Variants in ACSS3 observed in about 807,000 individuals in gnomAD.
ACSS3 encodes acyl-CoA synthetase short chain family member 3.
Under a neutral mutation model 84.2 loss-of-function variants are expected in ACSS3, and 64 were observed. The observed-to-expected ratio is 0.76, with a 90% confidence interval of 0.62 to 0.94. The LOEUF is 0.94. Ranked by LOEUF, ACSS3 falls within the 40% of genes least tolerant of loss-of-function variation. The pLI, the probability that ACSS3 is intolerant of heterozygous loss-of-function variation, is 0.00. For synonymous variants in ACSS3, 317 were observed against 310.1 expected (o/e 1.02, Z -0.23); for missense variants, 815 against 867.6 (o/e 0.94, Z 0.76).
intron 1 of ACSS3, among the ~76,000 whole-genome samples, chr12:81,107,509 T>TATACACACAC (rs1362047939): frequency 1.0e-4 from 3 of 29,956 alleles, no homozygotes; most frequent in African/African-American, 2.8e-4. Context: ...TACAAATATA[T>TATACACACAC]ACATATATAT....
At position 81,087,553 on chromosome 12, in the gene ACSS3, C is replaced by T. The variant is rs80139995; in HGVS notation, c.311+9122C>T. On this transcript the variant is annotated intron_variant, in intron 1 of 15. Coordinates refer to ENST00000548058, the MANE Select transcript of ACSS3 (RefSeq NM_024560.4). ...GTAAGACTAAAAAAAAAATTAGTCA[C>T]TCCGTATTATTGTCCATTTGCTAAA... Among the ~76,000 whole-genome samples the T allele has an allele frequency of 5.0e-4, 76 of 152,144 alleles. No individual in the cohort carries two copies. In the East Asian group the frequency reaches 0.014, roughly 28 times the overall value.
chr12:81,183,851 C>CA (rs74867520), intron 8 of ACSS3, among the ~76,000 whole-genome samples: 10,527 of 151,948 alleles, frequency 0.069, 481 homozygotes, highest in African/African-American at 0.13. Flanking sequence ...TATGGTACTT[C>CA]AAAATCCCAC....
chr12:81,143,353 G>A (rs1886184113), intron 5 of ACSS3, 106 bp downstream of exon 5: 2 of 1,225,048 alleles, frequency 1.6e-6, no homozygotes, highest in Non-Finnish European at 2.2e-6. Context: ...TTGAAGTTTA[G>A]AGAGTTACTT....
At chr12:81,230,328 A>C (rs987277689) in intron 11 of ACSS3, among the ~76,000 whole-genome samples, 4 of 151,888 alleles carry the variant, frequency 2.6e-5, no homozygotes, top group Non-Finnish European at 5.9e-5. Flanking sequence ...AAACACAGAT[A>C]GATACATAGT....
chr12:81,096,319 T>A (rs1310563320), intron 1 of ACSS3, among the ~76,000 whole-genome samples: 2 of 152,216 alleles, frequency 1.3e-5, no homozygotes, highest in Non-Finnish European at 2.9e-5. Context: ...CAAGCTTTTA[T>A]TTTAAAATAA....
At chr12:81,145,067 A>ATTTTTT (rs35753293) in intron 5 of ACSS3, among the ~76,000 whole-genome samples, 8 of 100,908 alleles carry the variant, frequency 7.9e-5, no homozygotes, top group East Asian at 3.0e-4. Context: ...CGCCTGGCTA[A>ATTTTTT]TTTTTTTTTT....
chr12:81,126,456 G>A (rs997535524), intron 2 of ACSS3, among the ~76,000 whole-genome samples: 9 of 152,046 alleles, frequency 5.9e-5, no homozygotes, highest in African/African-American at 1.4e-4. Flanking sequence ...TCTCCTTGAC[G>A]TAGAATTATT....
intron 7 of ACSS3, 66 bp from the exon 8 acceptor site, chr12:81,174,722 C>G: frequency 1.3e-6 from 2 of 1,498,220 alleles, no homozygotes; most frequent in Admixed American, 3.6e-5. Flanking sequence ...AAATGTATAA[C>G]TATTGAACTG....
chr12:81,216,695 A>G (rs1329489471), intron 9 of ACSS3, among the ~76,000 whole-genome samples: 1 of 152,172 alleles, frequency 6.6e-6, no homozygotes, highest in East Asian at 1.9e-4. Flanking sequence ...TTTTCTAATT[A>G]TGAATTCTTA....
At chr12:81,124,822 T>C (rs1884937821) in intron 2 of ACSS3, among the ~76,000 whole-genome samples, 1 of 152,190 alleles carries the variant, frequency 6.6e-6, no homozygotes, top group Non-Finnish European at 1.5e-5. Context: ...AGGTAATCTT[T>C]CTTTGGTCTC....
intron 3 of ACSS3, among the ~76,000 whole-genome samples, chr12:81,136,090 A>G (rs1039956265): frequency 2.0e-5 from 3 of 152,180 alleles, no homozygotes; most frequent in Non-Finnish European, 4.4e-5. Context: ...TTTACAATCC[A>G]TATACTTCCA....
At chr12:81,138,832 G>C (rs1438311562) in intron 3 of ACSS3, among the ~76,000 whole-genome samples, 1 of 152,090 alleles carries the variant, frequency 6.6e-6, no homozygotes, top group East Asian at 1.9e-4. Context: ...CATTGTACTA[G>C]TTTATGGCAA....
rs564494296 is a variant in ACSS3, at chr12:81,259,709, G to A, written c.*4787G>A. ...TAGTTCACTGAAAAGTCCCAGACTGGGAAATCTCATTCTACTCCTCTGTGG... is the reference window on the plus strand; with the variant it reads ...TAGTTCACTGAAAAGTCCCAGACTGAGAAATCTCATTCTACTCCTCTGTGG... On this transcript the variant is annotated 3_prime_UTR_variant, in exon 16 of 16. Coordinates refer to ENST00000548058, the MANE Select transcript of ACSS3 (RefSeq NM_024560.4). The A allele has an allele frequency of 6.7e-7, 1 of 1,500,058 alleles. No homozygotes were observed. Among genetic ancestry groups the A allele is most frequent in the African/African-American group, 1.4e-5 (1 of 72,264 alleles). The allele number at this position is 1,500,058 out of a possible 1,614,324, so 92.9% of individuals were successfully genotyped here.
Position 81,151,356 on chromosome 12 carries a change from C to T in ACSS3, c.922-488C>T, listed in dbSNP as rs925663497. ...TGTGCTTGCATGATCCTCAGTGAAG[C>T]GTTGTAATGAGATTCCAGTTAGAAT... On this transcript the variant is annotated intron_variant, in intron 5 of 15. Coordinates refer to ENST00000548058, the MANE Select transcript of ACSS3 (RefSeq NM_024560.4). 5.3e-5 allele frequency among the ~76,000 whole-genome samples: 8 copies of T among 152,114 alleles called. No homozygotes were observed. In the South Asian group the frequency reaches 8.3e-4, roughly 16 times the overall value.
rs938014816 is a variant in ACSS3 at position 81,253,196 on chromosome 12, C to CA, written c.1720-109dup. ...CTTGTCTTACATGCACTTTTTTCCC[C>CA]AACTGAAATTATATGTGTTTGTATA... On this transcript the variant is annotated intron_variant, in intron 13 of 15. Transcript: ENST00000548058. 6.7e-6 allele frequency: 8 copies of CA among 1,191,410 alleles called. No individual in the cohort carries two copies. The African/African-American group carries it at 1.2e-4, about 19-fold the overall frequency. 73.8% of individuals were successfully genotyped at this position (1,191,410 alleles called of 1,614,324 possible).
At chr12:81,229,173 G>A (rs1345517098) in intron 11 of ACSS3, among the ~76,000 whole-genome samples, 1 of 151,652 alleles carries the variant, frequency 6.6e-6, no homozygotes, top group African/African-American at 2.4e-5. Flanking sequence ...CAATGTATAT[G>A]TCAAAAATGG....
At position 81,174,828 on chromosome 12, in the gene ACSS3, G is replaced by C; in HGVS notation, c.1139G>C (p.Arg380Pro). 1.2e-6 allele frequency: 2 copies of C among 1,613,694 alleles called. No individual in the cohort carries two copies. The highest frequency in any genetic ancestry group is 8.5e-7 in the Non-Finnish European group (1 of 1,179,790). Residue 380 changes from arginine (R) to proline (P), a missense_variant, in exon 8 of 16, where the codon CGT (arginine) becomes CCT (proline). Coordinates refer to ENST00000548058, the MANE Select transcript of ACSS3 (RefSeq NM_024560.4). ...ACACCAGATGCTGGCGCTTATTTCC[G>C]TGTGCTTGCAGAGCATGGAGTAGCT... ...VGTPDAGAYF[R>P]VLAEHGVAAL...
At chr12:81,091,560 G>C (rs985335297) in intron 1 of ACSS3, among the ~76,000 whole-genome samples, 2 of 151,868 alleles carry the variant, frequency 1.3e-5, no homozygotes, top group African/African-American at 4.8e-5. Flanking sequence ...GTAATTACAG[G>C]CTTAGTAGAC....
At chr12:81,094,330 G>A (rs1881882828) in intron 1 of ACSS3, 1 of 151,990 alleles carries the variant, frequency 6.6e-6, no homozygotes, top group Non-Finnish European at 1.5e-5. Context: ...TGAAATATTT[G>A]AAGAATAAAG....
Sources: gnomAD v4.1 joint callset for allele counts (sites outside exome capture counted in the v4.1 genomes callset) on GRCh38, gnomAD v4.1.1 for gene constraint, MANE v1.5 for transcripts, NCBI Gene and HGNC (gene_info 2026-07-23, HGNC 2026-07-21) for gene names.